Variants in VSTM4 observed in about 807,000 individuals in gnomAD.
VSTM4 encodes V-set and transmembrane domain-containing protein 4.
Under a neutral mutation model 36.4 loss-of-function variants are expected in VSTM4, and 20 were observed. That is an observed-to-expected ratio of 0.55 (90% CI 0.39 to 0.80). The LOEUF is 0.80. Ranked by LOEUF, VSTM4 falls within the 30% of genes least tolerant of loss-of-function variation. The pLI is 0.00. For missense variants in VSTM4, 392 were observed against 404.5 expected (o/e 0.97, Z 0.26); for synonymous variants, 182 against 173.9 (o/e 1.05, Z -0.37).
intron 7 of VSTM4, among the ~76,000 whole-genome samples, chr10:49,021,831 A>G (rs1843186025): frequency 6.6e-6 from 1 of 152,226 alleles, no homozygotes; most frequent in African/African-American, 2.4e-5. Flanking sequence ...AACGCAATAT[A>G]CGGTGCAGTC....
intron 7 of VSTM4, among the ~76,000 whole-genome samples, chr10:49,027,617 C>G (rs996162714): frequency 6.6e-6 from 1 of 152,152 alleles, no homozygotes; most frequent in South Asian, 2.1e-4. Context: ...CCCTCCAGCC[C>G]GACCCCTGGC....
intron 2 of VSTM4, chr10:49,103,572 C>A: frequency 2.2e-6 from 3 of 1,391,278 alleles, no homozygotes; most frequent in Non-Finnish European, 2.8e-6. Context: ...TAATAAGAGC[C>A]AACACTCCTA....
intron 2 of VSTM4, among the ~76,000 whole-genome samples, chr10:49,088,536 G>A (rs1048142769): frequency 1.3e-5 from 2 of 152,250 alleles, no homozygotes; most frequent in African/African-American, 4.8e-5. Context: ...GAGATTGAAA[G>A]AGCCAGTGGA....
intron 7 of VSTM4, among the ~76,000 whole-genome samples, chr10:49,033,849 G>A (rs1047002759): frequency 1.3e-5 from 2 of 152,276 alleles, no homozygotes; most frequent in South Asian, 4.1e-4. Context: ...CATGTGGGAA[G>A]TGCCATGGAA....
chr10:49,047,031 G>A lies in VSTM4; in HGVS notation c.789C>T (p.Pro263=), dbSNP rs772727909. ...TCAGCAGCTTCGGTTTATGGAACGT[G>A]GGGGCTATCGGAGCTGTGGAAGTAG... ...PAVPAKAPIA[P]TFHKPKLLKP... is the part of the protein sequence containing the mutation. The change falls in exon 7 of 8, where the codon CCC becomes CCT. Residue 263 remains proline (P), a synonymous_variant. Coordinates refer to ENST00000332853, the MANE Select transcript of VSTM4 (RefSeq NM_001031746.5). The A allele has an allele frequency of 1.2e-5, 19 of 1,614,168 alleles. No homozygotes were observed. The Middle Eastern group carries it at 6.6e-4, about 56-fold the overall frequency.
At chr10:49,027,598 T>G (rs1474837499) in intron 7 of VSTM4, among the ~76,000 whole-genome samples, 2 of 152,182 alleles carry the variant, frequency 1.3e-5, no homozygotes, top group Non-Finnish European at 1.5e-5. Flanking sequence ...CCCTCTGCAG[T>G]CCCACCTTCC....
chr10:49,047,205 C>T (rs886596261), intron 6 of VSTM4, among the ~76,000 whole-genome samples, 161 bp from the exon 7 acceptor site: 16 of 152,168 alleles, frequency 1.1e-4, no homozygotes, highest in African/African-American at 2.9e-4. Flanking sequence ...CCTCGGCGGG[C>T]GTGATCCTCC....
chr10:49,070,096 C>CA (rs1359347648), intron 4 of VSTM4, among the ~76,000 whole-genome samples: 1 of 113,842 alleles, frequency 8.8e-6, no homozygotes, highest in Admixed American at 8.9e-5. Flanking sequence ...ACTAAAAATA[C>CA]AAAAAAATCA....
intron 2 of VSTM4, among the ~76,000 whole-genome samples, chr10:49,104,480 G>A (rs569871627): frequency 5.4e-4 from 82 of 152,224 alleles, no homozygotes; most frequent in Non-Finnish European, 2.9e-4. Context: ...AGCCTGGGGC[G>A]GACAAGCTCC....
rs989672268 is a variant in VSTM4 at position 49,070,185 on chromosome 10, G to A, written c.635-5449C>T. On this transcript the variant is annotated intron_variant, in intron 4 of 7. Coordinates refer to ENST00000332853, the MANE Select transcript of VSTM4 (RefSeq NM_001031746.5). ...GGAGAATGGCATGAACCCGGGAGGC[G>A]GAGCTTGCAGTGAGCCGAGATCCCG... 5.4e-5 allele frequency among the ~76,000 whole-genome samples: 6 copies of A among 110,794 alleles called. 1 individual carries two copies. The highest frequency in any genetic ancestry group is 2.7e-4 in the Admixed American group (3 of 10,944). 72.7% of individuals were successfully genotyped at this position (110,794 alleles called of 152,430 possible). A position where few individuals can be genotyped will look rare whatever the true frequency, so the allele number is the denominator to read the frequency against.
At chr10:49,022,989 A>C (rs1278022104) in intron 7 of VSTM4, among the ~76,000 whole-genome samples, 1 of 152,212 alleles carries the variant, frequency 6.6e-6, no homozygotes, top group African/African-American at 2.4e-5. Context: ...AACATAATTT[A>C]ATAAAGCCAA....
rs112612393 is a variant in VSTM4, at chr10:49,041,950, T to C, written c.837+5033A>G. Among the ~76,000 whole-genome samples the C allele has an allele frequency of 3.6e-3, 548 of 152,348 alleles. 3 individuals are homozygous for C. The highest frequency in any genetic ancestry group is 0.027 in the East Asian group (138 of 5,182). ...GTAAGAGACTGGATTAGAAACAATA[T>C]GTCCTGAGTAACTTAGAGAGAACAT... On this transcript the variant is annotated intron_variant, in intron 7 of 7. Coordinates refer to ENST00000332853, the MANE Select transcript of VSTM4 (RefSeq NM_001031746.5).
At chr10:49,072,380 C>T (rs1564582887) in intron 4 of VSTM4, among the ~76,000 whole-genome samples, 2 of 152,182 alleles carry the variant, frequency 1.3e-5, no homozygotes, top group Admixed American at 1.3e-4. Flanking sequence ...ACCACCAATC[C>T]TCAGGCCCCA....
chr10:49,049,904 A>G (rs1408529553), intron 5 of VSTM4, among the ~76,000 whole-genome samples: 1 of 152,228 alleles, frequency 6.6e-6, no homozygotes, highest in Non-Finnish European at 1.5e-5. Flanking sequence ...ATCTATCAAA[A>G]TTACAGGCGC....
Position 49,019,457 on chromosome 10 carries a change from A to C in VSTM4, c.*193T>G. On this transcript the variant is annotated 3_prime_UTR_variant, in exon 8 of 8. Transcript: ENST00000332853. Reference sequence around the variant, plus strand: ...GCATCTTGTCCCGGGAGATCTGTCAAGAGCTGTGGCCCCGATTCTTTTGGG... The same window carrying C: ...GCATCTTGTCCCGGGAGATCTGTCACGAGCTGTGGCCCCGATTCTTTTGGG... 1 of 614,162 alleles carries C rather than the reference A, an allele frequency of 1.6e-6. No homozygotes were observed. Among genetic ancestry groups the C allele is most frequent in the Non-Finnish European group, 2.4e-6 (1 of 420,196 alleles). 38.0% of individuals were successfully genotyped at this position (614,162 alleles called of 1,614,324 possible). A position where few individuals can be genotyped will look rare whatever the true frequency, so the allele number is the denominator to read the frequency against.
At chr10:49,040,414 C>A (rs1843502462) in intron 7 of VSTM4, among the ~76,000 whole-genome samples, 1 of 152,012 alleles carries the variant, frequency 6.6e-6, no homozygotes, top group Non-Finnish European at 1.5e-5. Flanking sequence ...TCCTAAGTAG[C>A]TGGGATTACA....
rs561547053 is a variant in VSTM4 at position 49,091,749 on chromosome 10, G to A, written c.458-5726C>T. On this transcript the variant is annotated intron_variant, in intron 2 of 7. Transcript: ENST00000332853. ...GTCTAGACTGACCTTACTCACCCAC[G>A]GAAGTGATGGCCAAAAATTCCGAGA... Among the ~76,000 whole-genome samples, 22 of 152,258 alleles carry A rather than the reference G, an allele frequency of 1.4e-4. No individual in the cohort carries two copies. In the South Asian group the frequency reaches 3.3e-3, roughly 23 times the overall value.
chr10:49,113,602 C>T (rs554969159), intron 1 of VSTM4, among the ~76,000 whole-genome samples: 1 of 152,292 alleles, frequency 6.6e-6, no homozygotes, highest in East Asian at 1.9e-4. Flanking sequence ...ACAGCTCAGC[C>T]ACCTCTCAAG....
intron 7 of VSTM4, among the ~76,000 whole-genome samples, chr10:49,036,793 G>A (rs1456039805): frequency 2.0e-5 from 3 of 152,226 alleles, no homozygotes; most frequent in African/African-American, 7.2e-5. Context: ...GGGCATCTCA[G>A]CCCTGGGCTG....
Sources: gnomAD v4.1 joint callset for allele counts (sites outside exome capture counted in the v4.1 genomes callset) on GRCh38, gnomAD v4.1.1 for gene constraint, MANE v1.5 for transcripts, NCBI Gene and HGNC (gene_info 2026-07-23, HGNC 2026-07-21) for gene names.